USP43: variants seen among roughly 807,000 people sequenced by gnomAD.
USP43 encodes ubiquitin carboxyl-terminal hydrolase 43.
In USP43, 33 loss-of-function variants were observed where a neutral mutation model predicts 90.7. The observed-to-expected ratio is 0.36, with a 90% CI of 0.28 to 0.49. USP43 has a LOEUF of 0.49. Ranked by LOEUF, USP43 falls within the 20% of genes least tolerant of loss-of-function variation. The pLI, the probability that USP43 is intolerant of heterozygous loss-of-function variation, is 0.98. For synonymous variants in USP43, 598 were observed against 615.8 expected, an observed-to-expected ratio of 0.97 and a Z score of 0.43; for missense variants, 1,274 against 1,476.4, an observed-to-expected ratio of 0.86 and a Z score of 2.25.
intron 6 of USP43, among the ~76,000 whole-genome samples, chr17:9,682,378 G>A (rs1383646887): frequency 6.6e-6 from 1 of 152,138 alleles, no homozygotes; most frequent in Non-Finnish European, 1.5e-5. Flanking sequence ...GACCAGCTTG[G>A]CCAACATGGT....
chr17:9,658,681 C>T (rs1408705322), intron 2 of USP43, among the ~76,000 whole-genome samples: 1 of 152,062 alleles, frequency 6.6e-6, no homozygotes, highest in Non-Finnish European at 1.5e-5. Flanking sequence ...TTATTCTGAC[C>T]CCTTTTCGTT....
At chr17:9,711,368 G>A (rs1268922623) in intron 13 of USP43, among the ~76,000 whole-genome samples, 1 of 152,230 alleles carries the variant, frequency 6.6e-6, no homozygotes, top group Non-Finnish European at 1.5e-5. Context: ...CTGGTGATAA[G>A]TAATTTCATG....
At position 9,645,740 on chromosome 17, in the gene USP43, C is replaced by G; in HGVS notation, c.108C>G (p.Gly36=). ...TCAGCCGCTTCCTGCTGGCGCTGGG[C>G]AGCCGCTCACGCCCCGGGGACTCAC... The part of the protein sequence containing the change: ...RLFSRFLLAL[G]SRSRPGDSPP... Residue 36 remains glycine, a synonymous_variant, in exon 1 of 15, where the codon GGC becomes GGG. Coordinates refer to ENST00000285199, the MANE Select transcript of USP43 (RefSeq NM_153210.5). The surrounding 1 kb of genome is among the most constrained non-coding windows in gnomAD (Gnocchi z 6.8). 7.3e-7 allele frequency: 1 copy of G among 1,379,094 alleles called. No homozygotes were observed. 85.4% of individuals were successfully genotyped at this position (1,379,094 alleles called of 1,614,324 possible). A position where few individuals can be genotyped will look rare whatever the true frequency, so the allele number is the denominator to read the frequency against.
chr17:9,728,783 G>A lies in USP43; in HGVS notation c.3165G>A (p.Leu1055=). 6.2e-7 allele frequency: 1 copy of A among 1,609,434 alleles called. No homozygotes were observed. The highest frequency in any genetic ancestry group is 1.1e-5 in the South Asian group (1 of 90,650). ...TCCCAGAGGGCCTGGCCAGGGGCCT[G>A]GGCAGCCGGCTCGAGAGGGATGTCT... is the stretch of plus-strand genomic sequence containing the variant. ...LRIPEGLARG[L]GSRLERDVWS... Residue 1055 remains leucine (L), a synonymous_variant, in exon 15 of 15, where the codon CTG becomes CTA. Transcript: ENST00000285199. This position sits in a 1 kb window ranked among gnomAD's most constrained non-coding sequence, Gnocchi z 6.2.
At chr17:9,673,976 T>C (rs1189686239) in intron 3 of USP43, among the ~76,000 whole-genome samples, 1 of 152,168 alleles carries the variant, frequency 6.6e-6, no homozygotes, top group African/African-American at 2.4e-5. Context: ...ACTAGGGTCA[T>C]CTGGGGAGCT....
At chr17:9,719,616 C>T (rs1449332932) in intron 14 of USP43, among the ~76,000 whole-genome samples, 1 of 152,220 alleles carries the variant, frequency 6.6e-6, no homozygotes, top group Non-Finnish European at 1.5e-5. Context: ...CAGGTCTTGG[C>T]TCTCAGGCTC....
chr17:9,712,976 T>C (rs1027427248), intron 14 of USP43, among the ~76,000 whole-genome samples: 2 of 152,208 alleles, frequency 1.3e-5, no homozygotes, highest in East Asian at 3.8e-4. Context: ...ATCATTTCTT[T>C]GTGACGGGAA....
intron 12 of USP43, among the ~76,000 whole-genome samples, chr17:9,707,954 G>C (rs923583318): frequency 7.2e-5 from 11 of 152,202 alleles, no homozygotes; most frequent in African/African-American, 2.7e-4. Flanking sequence ...TTCACTACCT[G>C]ACATTTTGAA....
In USP43 at chr17:9,682,865, G is replaced by A. The variant is rs369060044; in HGVS notation, c.1148G>A (p.Arg383His). 4.9e-5 allele frequency: 79 copies of A among 1,613,976 alleles called. 1 individual carries two copies. In the South Asian group the frequency reaches 5.5e-4, roughly 11 times the overall value. The change falls in exon 7 of 15, where the codon CGT becomes CAT. Residue 383 changes from arginine (R) to histidine (H), a missense_variant. Physicochemically the swap from Arg to His is conservative, Grantham distance 29. Around this residue, in one of 6 missense-constraint regions of USP43, gnomAD observed 253 missense variants for 276.0 expected, o/e 0.92. Coordinates refer to ENST00000285199, the MANE Select transcript of USP43 (RefSeq NM_153210.5). ...TCGGCCTCCCCACGCCTGGCAGCCCGTGAGGGCCAGCGATTCTCCCTCTCT... is the reference window on the plus strand; with the variant it reads ...TCGGCCTCCCCACGCCTGGCAGCCCATGAGGGCCAGCGATTCTCCCTCTCT... ...GLSASPRLAAREGQRFSLSLH... is the reference protein window; with the variant it reads ...GLSASPRLAAHEGQRFSLSLH...
chr17:9,654,586 T>C lies in USP43; in HGVS notation c.505-1817T>C, dbSNP rs574123430. Among the ~76,000 whole-genome samples, 15 of 150,874 alleles carry C rather than the reference T, an allele frequency of 9.9e-5. No individual in the cohort carries two copies. The South Asian group carries it at 2.9e-3, about 30-fold the overall frequency. ...AATCACTTGAACCCATAGGTGGAGA[T>C]TGCAGTGAGCTGAGATCATGCCATT... On this transcript the variant is annotated intron_variant, in intron 1 of 14. Transcript: ENST00000285199.
At chr17:9,650,973 T>C (rs1884384302) in intron 1 of USP43, among the ~76,000 whole-genome samples, 1 of 152,158 alleles carries the variant, frequency 6.6e-6, no homozygotes, top group Non-Finnish European at 1.5e-5. Flanking sequence ...CTTTCATCCT[T>C]CACCCGTCTC....
intron 9 of USP43, among the ~76,000 whole-genome samples, chr17:9,697,700 G>GGT (rs917140608): frequency 7.1e-6 from 1 of 141,326 alleles, no homozygotes; most frequent in Non-Finnish European, 1.5e-5. Context: ...AGTGTTCTGT[G>GGT]GTGTACATGT....
At chr17:9,653,419 C>T (rs1912011894) in intron 1 of USP43, among the ~76,000 whole-genome samples, 1 of 152,114 alleles carries the variant, frequency 6.6e-6, no homozygotes, top group Admixed American at 6.5e-5. Context: ...GAAACCCCAT[C>T]TTTACTAAAA....
At position 9,680,344 on chromosome 17, in the gene USP43, A is replaced by C. The variant is rs1422961446; in HGVS notation, c.1083A>C (p.Ser361=). 6.2e-7 allele frequency: 1 copy of C among 1,613,852 alleles called. No homozygotes were observed. Among genetic ancestry groups the C allele is most frequent in the Non-Finnish European group, 8.5e-7 (1 of 1,179,852 alleles). The change falls in exon 6 of 15, where the codon TCA becomes TCC. Residue 361 remains serine (S), a synonymous_variant. Transcript: ENST00000285199. ...TGTATGCCTTTCAAGTTCCTCCCTC[A>C]CCCAGCCAGGGGACTCTCTCAGGTA... The part of the protein sequence containing the change: ...DNVYAFQVPP[S]PSQGTLSAHP...
At chr17:9,670,346 A>C (rs1290614113) in intron 3 of USP43, among the ~76,000 whole-genome samples, 1 of 152,182 alleles carries the variant, frequency 6.6e-6, no homozygotes, top group Non-Finnish European at 1.5e-5. Context: ...GCCCAGAGGC[A>C]ACTGCTTTTT....
intron 9 of USP43, 94 bp downstream of exon 9, chr17:9,693,324 T>A: frequency 9.5e-7 from 1 of 1,054,900 alleles, no homozygotes; most frequent in Non-Finnish European, 1.4e-6. Flanking sequence ...TTGCTCATAG[T>A]ATTTGTTATT....
In USP43 at chr17:9,701,683, A is replaced by G. The variant is rs1443860270; in HGVS notation, c.1994A>G (p.Gln665Arg). 1 of 1,568,084 alleles carries G rather than the reference A, an allele frequency of 6.4e-7. No individual in the cohort carries two copies. Among genetic ancestry groups the G allele is most frequent in the Admixed American group, 1.8e-5 (1 of 54,192 alleles). The change falls in exon 12 of 15, where the codon CAA becomes CGA. Residue 665 changes from glutamine to arginine, a missense_variant. Transcript: ENST00000285199. This position sits in a 1 kb window ranked among gnomAD's most constrained non-coding sequence, Gnocchi z 7.2. ...GTCTGCAACCACCATGGCAACCTGC[A>G]AGGTGGGCATTACACAGGTGAGCCT... ...YAVCNHHGNL[Q>R]GGHYTAYCRN...
chr17:9,728,471 G>T lies in USP43; in HGVS notation c.2853G>T (p.Lys951Asn). 1 of 1,613,624 alleles carries T rather than the reference G, an allele frequency of 6.2e-7. No homozygotes were observed. The highest frequency in any genetic ancestry group is 1.1e-5 in the South Asian group (1 of 91,022). Residue 951 changes from lysine (K) to asparagine (N), a missense_variant, in exon 15 of 15, where the codon AAG becomes AAT. Coordinates refer to ENST00000285199, the MANE Select transcript of USP43 (RefSeq NM_153210.5). The surrounding 1 kb of genome is among the most constrained non-coding windows in gnomAD (Gnocchi z 6.2). ...AACCAGCTCGACCGGAGGGCCAGAA[G>T]GCCATGAACTGGAAGGAGAGCTTCC... ...HEKPARPEGQ[K>N]AMNWKESFQM...
rs759246596 is a variant in USP43, at chr17:9,728,094, C to T, written c.2476C>T (p.Pro826Ser). The change falls in exon 15 of 15, where the codon CCA becomes TCA. Residue 826 changes from proline to serine, a missense_variant. By Grantham distance (74) the Pro-to-Ser change is moderately conservative. This residue lies in a region of USP43 where 285 missense variants were observed against 349.6 expected (regional missense o/e 0.82). Transcript: ENST00000285199. The surrounding 1 kb of genome is among the most constrained non-coding windows in gnomAD (Gnocchi z 6.2). ...RWSFGSKEKP[P>S]GASVELVEYL... Reference sequence around the variant, plus strand: ...GTCCTTTGGATCCAAGGAGAAACCACCAGGTGCCTCCGTCGAGTTGGTGGA... The same window carrying T: ...GTCCTTTGGATCCAAGGAGAAACCATCAGGTGCCTCCGTCGAGTTGGTGGA... The T allele has an allele frequency of 1.2e-6, 2 of 1,613,966 alleles. No individual in the cohort carries two copies. The highest frequency in any genetic ancestry group is 1.7e-6 in the Non-Finnish European group (2 of 1,179,900).
Sources: gnomAD v4.1 joint callset for allele counts (sites outside exome capture counted in the v4.1 genomes callset) on GRCh38, gnomAD v4.1.1 for gene constraint, gnomAD v4.1.1 regional missense constraint, Gnocchi (gnomAD v3.1) non-coding constraint, MANE v1.5 for transcripts, NCBI Gene and HGNC (gene_info 2026-07-23, HGNC 2026-07-21) for gene names.